TSHZ3: variants seen among roughly 807,000 people sequenced by gnomAD.
The protein encoded by TSHZ3 is teashirt homolog 3.
A neutral mutation model predicts 64.5 loss-of-function variants in TSHZ3; 10 were observed. That is an observed-to-expected ratio of 0.16 (90% CI 0.10 to 0.26). The LOEUF (loss-of-function observed/expected upper bound fraction) is 0.26. Among genes scored for constraint, TSHZ3 ranks in the 10% least tolerant of loss-of-function variants. TSHZ3 has a pLI of 1.00. For synonymous variants in TSHZ3, 608 were observed against 593.1 expected (o/e 1.03, Z -0.36); for missense variants, 1,242 against 1,421.7 (o/e 0.87, Z 2.03).
chr19:31,155,583 G>A (rs1005242461), intron 6 of TSHZ3, among the ~76,000 whole-genome samples: 2 of 152,168 alleles, frequency 1.3e-5, no homozygotes, highest in African/African-American at 2.4e-5. Context: ...CTAGGGCCTC[G>A]GGGCCCAGAT....
At chr19:31,266,446 G>C (rs1008829983) in intron 1 of TSHZ3, among the ~76,000 whole-genome samples, 1 of 152,056 alleles carries the variant, frequency 6.6e-6, no homozygotes, top group African/African-American at 2.4e-5. Context: ...TGAATCAGGG[G>C]CGCCACTCCC....
rs376573157 is a variant in TSHZ3 at position 31,311,182 on chromosome 19, A to G, written c.41-31430T>C. Among the ~76,000 whole-genome samples, 191 of 152,322 alleles carry G rather than the reference A, an allele frequency of 1.3e-3. 2 individuals carry two copies. In the South Asian group the frequency reaches 0.033, roughly 27 times the overall value. On this transcript the variant is annotated intron_variant, in intron 1 of 1. Coordinates refer to ENST00000240587, the MANE Select transcript of TSHZ3 (RefSeq NM_020856.4). The stretch of plus-strand genomic sequence containing the variant: ...TGGGCTAAGCACTGCCCTGTTTTAG[A>G]TACTCTTATAAAAAGCAGATAAACT...
intron 1 of TSHZ3, among the ~76,000 whole-genome samples, chr19:31,289,695 C>T (rs60111417): frequency 0.013 from 1,908 of 152,174 alleles, 33 homozygotes; most frequent in African/African-American, 0.043. Context: ...CTGGCTGGGG[C>T]GGCACCTCAG....
At chr19:31,212,128 A>G (rs1161523487) in intron 4 of TSHZ3, among the ~76,000 whole-genome samples, 1 of 151,934 alleles carries the variant, frequency 6.6e-6, no homozygotes, top group Non-Finnish European at 1.5e-5. Context: ...CTTACCACAC[A>G]TATTGAGTTA....
intron 1 of TSHZ3, among the ~76,000 whole-genome samples, chr19:31,266,289 C>A (rs1396722506): frequency 6.6e-6 from 1 of 152,082 alleles, no homozygotes; most frequent in East Asian, 1.9e-4. Context: ...ATAACAAGAC[C>A]CCGTTTCTAC....
intron 4 of TSHZ3, among the ~76,000 whole-genome samples, chr19:31,227,988 T>C (rs1158365967): frequency 6.6e-6 from 1 of 152,170 alleles, no homozygotes; most frequent in Non-Finnish European, 1.5e-5. Context: ...AACAAGTCCA[T>C]AAAACCATCA....
intron 1 of TSHZ3, chr19:31,305,638 C>T (rs1043262838): frequency 1.3e-5 from 2 of 152,158 alleles, no homozygotes; most frequent in African/African-American, 2.4e-5. Flanking sequence ...GAAGAGGGCA[C>T]AAGTTCCACA....
intron 5 of TSHZ3, among the ~76,000 whole-genome samples, chr19:31,157,366 A>G (rs1974318573): frequency 1.3e-5 from 2 of 152,232 alleles, no homozygotes; most frequent in Non-Finnish European, 2.9e-5. Flanking sequence ...GTTTGTTAAT[A>G]AAGTTGTATT....
chr19:31,258,954 C>T (rs889112671), intron 1 of TSHZ3, among the ~76,000 whole-genome samples: 6 of 152,214 alleles, frequency 3.9e-5, no homozygotes, highest in African/African-American at 1.2e-4. Context: ...ATCCATGCCC[C>T]GGCCCGCCTT....
intron 5 of TSHZ3, among the ~76,000 whole-genome samples, chr19:31,168,408 A>T (rs1454775386): frequency 1.3e-5 from 2 of 152,144 alleles, no homozygotes; most frequent in Admixed American, 6.5e-5. Context: ...GGCCAAAAAG[A>T]CTTAGTTCTA....
At chr19:31,310,496 G>C (rs916511555) in intron 1 of TSHZ3, among the ~76,000 whole-genome samples, 4 of 152,174 alleles carry the variant, frequency 2.6e-5, no homozygotes, top group African/African-American at 9.7e-5. Flanking sequence ...GCTCAGGAGA[G>C]AATCCCTTCC....
rs554591748 is a variant in TSHZ3 at position 31,301,628 on chromosome 19, G to A, written c.41-21876C>T. 3.9e-4 allele frequency among the ~76,000 whole-genome samples: 60 copies of A among 152,256 alleles called. No homozygotes were observed. The South Asian group carries it at 0.012, about 31-fold the overall frequency. ...GGAGACACCCCGGCAAAGGGATTCC[G>A]CAAGGTCCACCCTCAGGCCTCCCAT... On this transcript the variant is annotated intron_variant, in intron 1 of 1. Coordinates refer to ENST00000240587, the MANE Select transcript of TSHZ3 (RefSeq NM_020856.4).
At chr19:31,339,607 G>T (rs1346543106) in intron 1 of TSHZ3, among the ~76,000 whole-genome samples, 2 of 152,188 alleles carry the variant, frequency 1.3e-5, no homozygotes, top group Admixed American at 6.5e-5. Context: ...GGAAGGGTGG[G>T]TCAGTGATGT....
At chr19:31,180,997 C>G (rs564406347) in intron 5 of TSHZ3, among the ~76,000 whole-genome samples, 6 of 152,126 alleles carry the variant, frequency 3.9e-5, no homozygotes, top group Non-Finnish European at 8.8e-5. Flanking sequence ...TCTGTAACAG[C>G]CTGCTTGGTG....
intron 1 of TSHZ3, among the ~76,000 whole-genome samples, chr19:31,316,856 C>T (rs1916617017): frequency 6.6e-6 from 1 of 152,156 alleles, no homozygotes; most frequent in African/African-American, 2.4e-5. Context: ...TGTCACTGAA[C>T]AGTCTTTCTA....
At chr19:31,296,348 T>A (rs148590027) in intron 1 of TSHZ3, among the ~76,000 whole-genome samples, 9,663 of 149,724 alleles carry the variant, frequency 0.065, 403 homozygotes, top group Non-Finnish European at 0.1. Context: ...TTTTTTTTTT[T>A]TTTGAGACGA....
downstream of TSHZ3, among the ~76,000 whole-genome samples, chr19:31,272,291 G>A (rs1411011493): frequency 1.3e-5 from 2 of 152,210 alleles, no homozygotes; most frequent in East Asian, 3.9e-4. Flanking sequence ...ACTGTAGGTG[G>A]CCAGAGGCTG....
At chr19:31,185,201 T>G (rs546912972) in intron 5 of TSHZ3, among the ~76,000 whole-genome samples, 5 of 152,002 alleles carry the variant, frequency 3.3e-5, no homozygotes, top group Non-Finnish European at 5.9e-5. Flanking sequence ...CTTATTCCCA[T>G]AAGCATCTCC....
intron 5 of TSHZ3, among the ~76,000 whole-genome samples, chr19:31,197,227 A>G (rs537184982): frequency 1.3e-5 from 2 of 152,024 alleles, no homozygotes; most frequent in Non-Finnish European, 2.9e-5. Flanking sequence ...AAAAATAAAT[A>G]TCAAGAGAAA....
Sources: gnomAD v4.1 joint callset for allele counts (sites outside exome capture counted in the v4.1 genomes callset) on GRCh38, gnomAD v4.1.1 for gene constraint, MANE v1.5 for transcripts, NCBI Gene and HGNC (gene_info 2026-07-23, HGNC 2026-07-21) for gene names.